Variants in PAM observed in about 807,000 individuals in gnomAD.
PAM encodes peptidylglycine alpha-amidating monooxygenase, also known as peptidyl-glycine alpha-amidating monooxygenase.
A neutral mutation model predicts 122.1 loss-of-function variants in PAM; 72 were observed. The observed-to-expected ratio is 0.59, with a 90% CI of 0.49 to 0.72. The LOEUF (loss-of-function observed/expected upper bound fraction) is 0.72, where lower values mean the gene tolerates loss of function less well. Ranked by LOEUF, PAM falls within the 30% of genes least tolerant of loss-of-function variation. The pLI is 0.00. For synonymous variants in PAM, 389 were observed against 404.4 expected (o/e 0.96, Z 0.46); for missense variants, 1,106 against 1,183.7 (o/e 0.93, Z 0.96).
Position 103,007,605 on chromosome 5 carries a change from G to T in PAM, c.2163G>T (p.Glu721Asp). Residue 721 changes from glutamate to aspartate, a missense_variant, in exon 20 of 26, where the codon GAG (glutamate) becomes GAT (aspartate). By Grantham distance (45) the Glu-to-Asp change is conservative. Coordinates refer to ENST00000438793, the MANE Select transcript of PAM (RefSeq NM_001177306.2). Reference sequence around the variant, plus strand: ...CTGACACCAAAGAATTTGTGAGAGAGATTAAGCATTCATCATTTGGAAGAA... The same window carrying T: ...CTGACACCAAAGAATTTGTGAGAGATATTAAGCATTCATCATTTGGAAGAA... ...FKTDTKEFVR[E>D]IKHSSFGRNV... The T allele has an allele frequency of 6.2e-7, 1 of 1,613,456 alleles. No individual in the cohort carries two copies. Among genetic ancestry groups the T allele is most frequent in the South Asian group, 1.1e-5 (1 of 91,080 alleles).
chr5:102,987,070 A>T (rs954043682), intron 15 of PAM, among the ~76,000 whole-genome samples: 6 of 152,194 alleles, frequency 3.9e-5, no homozygotes, highest in African/African-American at 1.4e-4. Flanking sequence ...AAAGGAAAGG[A>T]AGTCAATCAA....
chr5:102,918,973 A>G (rs1417491419), intron 5 of PAM, among the ~76,000 whole-genome samples: 1 of 152,078 alleles, frequency 6.6e-6, no homozygotes, highest in East Asian at 1.9e-4. Flanking sequence ...GCTATTTCTA[A>G]TGACACTTAG....
chr5:102,838,016 C>T lies in PAM; in HGVS notation c.-373-27807C>T, dbSNP rs377713842. Among the ~76,000 whole-genome samples, 21 of 152,200 alleles carry T rather than the reference C, an allele frequency of 1.4e-4. No homozygotes were observed. The East Asian group carries it at 2.9e-3, about 21-fold the overall frequency. The stretch of plus-strand genomic sequence containing the variant: ...AACATTTAAAAAGTAATTTACATTT[C>T]GAATATTTAGTTGCACATGGTTTTA... On this transcript the variant is annotated intron_variant, in intron 1 of 25. Transcript: ENST00000438793.
intron 13 of PAM, among the ~76,000 whole-genome samples, chr5:102,960,579 T>C (rs973246312): frequency 2.0e-5 from 3 of 151,986 alleles, no homozygotes; most frequent in South Asian, 4.1e-4. Flanking sequence ...ATTTAACATA[T>C]ATATAGTTCC....
rs756909834 is a variant in PAM at position 102,950,007 on chromosome 5, G to C, written c.801+29G>C. 3.5e-6 allele frequency: 4 copies of C among 1,143,170 alleles called. No homozygotes were observed. In the South Asian group the frequency reaches 3.9e-5, roughly 11 times the overall value. The allele number at this position is 1,143,170 out of a possible 1,614,324, so 70.8% of individuals were successfully genotyped here. On this transcript the variant is annotated intron_variant, in intron 11 of 25. Transcript: ENST00000438793. Reference sequence around the variant, plus strand: ...GGTAAAATCTAGTTTAATTTTGAGAGAAAAAAATATTAACCAGCAGAAAGT... The same window carrying C: ...GGTAAAATCTAGTTTAATTTTGAGACAAAAAAATATTAACCAGCAGAAAGT...
rs1160723694 is a variant in PAM at position 102,950,722 on chromosome 5, C to T, written c.807C>T (p.Phe269=). Residue 269 remains phenylalanine (F), a synonymous_variant, in exon 12 of 26, where the codon TTC becomes TTT. Coordinates refer to ENST00000438793, the MANE Select transcript of PAM (RefSeq NM_001177306.2). ...TGTGTTTGTCTTTTTGGTAGGCTTT[C>T]TACCCTGTGGGGCATCCAGTTGATG... ...GRQSPQLPQA[F]YPVGHPVDVS... The T allele has an allele frequency of 1.9e-6, 3 of 1,597,430 alleles. No homozygotes were observed. The highest frequency in any genetic ancestry group is 3.3e-4 in the Middle Eastern group (2 of 6,010).
chr5:102,850,813 A>G (rs1021606822), intron 1 of PAM, among the ~76,000 whole-genome samples: 2 of 152,214 alleles, frequency 1.3e-5, no homozygotes, highest in South Asian at 4.1e-4. Context: ...ACGCCCTGCA[A>G]AAAACCAGAT....
chr5:102,949,427 A>G, intron 9 of PAM, 110 bp from the exon 10 acceptor site: 2 of 730,216 alleles, frequency 2.7e-6, no homozygotes, highest in Admixed American at 4.2e-5. Context: ...AAGTCATAAG[A>G]AAACCTCAGT....
At chr5:102,952,472 C>A (rs771882356) in intron 12 of PAM, among the ~76,000 whole-genome samples, 4 of 151,536 alleles carry the variant, frequency 2.6e-5, no homozygotes, top group Non-Finnish European at 4.4e-5. Context: ...AAAGGAAACA[C>A]CATTTTGTAA....
At chr5:102,889,738 G>T (rs1412642700) in intron 3 of PAM, among the ~76,000 whole-genome samples, 1 of 151,870 alleles carries the variant, frequency 6.6e-6, no homozygotes, top group Admixed American at 6.6e-5. Flanking sequence ...CTGGCCAAGT[G>T]GCCCTCCTCC....
At chr5:102,877,115 T>A (rs1789475400) in intron 3 of PAM, among the ~76,000 whole-genome samples, 1 of 152,262 alleles carries the variant, frequency 6.6e-6, no homozygotes, top group Non-Finnish European at 1.5e-5. Context: ...GGCAAGATAC[T>A]TAAACTATAA....
intron 1 of PAM, among the ~76,000 whole-genome samples, chr5:102,849,160 T>A (rs1332301289): frequency 6.6e-6 from 1 of 152,140 alleles, no homozygotes. Flanking sequence ...GGATTGTCAT[T>A]ATATAAACCC....
intron 14 of PAM, among the ~76,000 whole-genome samples, chr5:102,970,469 T>C (rs1436995950): frequency 6.6e-6 from 1 of 152,166 alleles, no homozygotes; most frequent in Non-Finnish European, 1.5e-5. Context: ...ATATGTTATG[T>C]TAGAGGAGAG....
chr5:102,896,552 A>G (rs1298352214), intron 3 of PAM, among the ~76,000 whole-genome samples: 5 of 151,692 alleles, frequency 3.3e-5, no homozygotes, highest in African/African-American at 1.2e-4. Flanking sequence ...CACTGTTACA[A>G]GATTACATTC....
intron 1 of PAM, among the ~76,000 whole-genome samples, chr5:102,807,248 C>T (rs1195464781): frequency 6.6e-6 from 1 of 152,166 alleles, no homozygotes; most frequent in Non-Finnish European, 1.5e-5. Flanking sequence ...AGTGTTGCAT[C>T]TGATCAAATA....
At chr5:102,920,740 T>A (rs984437231) in intron 5 of PAM, among the ~76,000 whole-genome samples, 1 of 152,068 alleles carries the variant, frequency 6.6e-6, no homozygotes, top group Non-Finnish European at 1.5e-5. Flanking sequence ...CTGTTAGATA[T>A]GTAATGCATT....
At chr5:102,950,005 G>A in intron 11 of PAM, 27 bp downstream of exon 11, 2 of 1,207,672 alleles carry the variant, frequency 1.7e-6, no homozygotes, top group Non-Finnish European at 1.2e-6. Flanking sequence ...TTAATTTTGA[G>A]AGAAAAAAAT....
intron 20 of PAM, 52 bp downstream of exon 20, chr5:103,007,709 T>C: frequency 8.6e-7 from 1 of 1,164,830 alleles, no homozygotes; most frequent in Non-Finnish European, 1.3e-6. Context: ...ACTCTATCCT[T>C]AAAAATTGTG....
intron 4 of PAM, among the ~76,000 whole-genome samples, chr5:102,901,878 G>T (rs1283404239): frequency 1.3e-5 from 2 of 151,542 alleles, no homozygotes; most frequent in African/African-American, 2.4e-5. Flanking sequence ...AGAAGGGAAA[G>T]GAGAGCCAGA....
Sources: allele counts gnomAD v4.1 joint callset (sites outside exome capture counted in the v4.1 genomes callset), GRCh38; gene constraint gnomAD v4.1.1; transcripts MANE v1.5; gene names NCBI Gene and HGNC (gene_info 2026-07-23, HGNC 2026-07-21).